Variants in SBF1 observed in about 807,000 individuals in gnomAD.
SBF1 encodes the protein myotubularin-related protein 5.
SBF1 carries 65 observed loss-of-function variants against 215.8 expected under a neutral mutation model. The observed-to-expected ratio is 0.30, with a 90% confidence interval of 0.25 to 0.37. SBF1 has a LOEUF of 0.37. Ranked by LOEUF, SBF1 falls within the 10% of genes least tolerant of loss-of-function variation. The pLI, the probability that SBF1 is intolerant of heterozygous loss-of-function variation, is 1.00. For missense variants in SBF1, 2,634 were observed against 2,667.8 expected, an observed-to-expected ratio of 0.99 and a Z score of 0.28; for synonymous variants, 1,410 against 1,122.8, an observed-to-expected ratio of 1.26 and a Z score of -5.11.
Position 50,446,929 on chromosome 22 carries a change from A to G in SBF1, c.*213T>C. 1 of 712,442 alleles carries G rather than the reference A, an allele frequency of 1.4e-6. No homozygotes were observed. The allele number at this position is 712,442 out of a possible 1,614,324, so 44.1% of individuals were successfully genotyped here. A position where few individuals can be genotyped will look rare whatever the true frequency, so the allele number is the denominator to read the frequency against. On this transcript the variant is annotated 3_prime_UTR_variant, in exon 41 of 41. Transcript: ENST00000380817. Reference sequence around the variant, plus strand: ...GCCCATTGCGGGCTGTACCTTGGCCACCTCCCGGCACGGTGCTCAGCTGTG... The same window carrying G: ...GCCCATTGCGGGCTGTACCTTGGCCGCCTCCCGGCACGGTGCTCAGCTGTG...
At position 50,456,187 on chromosome 22, in the gene SBF1, C is replaced by T. The variant is rs751226997; in HGVS notation, c.4266+29G>A. On this transcript the variant is annotated intron_variant, in intron 31 of 40. Transcript: ENST00000380817. ...CCAAGGGGAGGGCCCAGCACCAAGG[C>T]GGGCAGAGGGACGGGGCAGTGCAGA... The T allele has an allele frequency of 2.1e-5, 34 of 1,604,626 alleles. No homozygotes were observed. The Middle Eastern group carries it at 8.9e-4, about 42-fold the overall frequency.
Position 50,455,206 on chromosome 22 carries a change from A to T in SBF1, c.4554+18T>A. Reference sequence around the variant, plus strand: ...CAGGGTGCACAGTCCCGGCCCACCCACACAGCGGCCTGCCCACCTGGTGTA... The same window carrying T: ...CAGGGTGCACAGTCCCGGCCCACCCTCACAGCGGCCTGCCCACCTGGTGTA... On this transcript the variant is annotated intron_variant, in intron 33 of 40. Coordinates refer to ENST00000380817, the MANE Select transcript of SBF1 (RefSeq NM_002972.4). 1 of 1,612,258 alleles carries T rather than the reference A, an allele frequency of 6.2e-7. No homozygotes were observed. Among genetic ancestry groups the T allele is most frequent in the Non-Finnish European group, 8.5e-7 (1 of 1,178,838 alleles).
intron 28 of SBF1, among the ~76,000 whole-genome samples, chr22:50,457,687 G>A (rs1465304455): frequency 1.3e-5 from 2 of 152,238 alleles, no homozygotes; most frequent in African/African-American, 4.8e-5. Context: ...CCAGGCTGAG[G>A]TTTACGGTCC....
chr22:50,458,304 CAAA>C (rs35742256), intron 28 of SBF1, among the ~76,000 whole-genome samples: 14 of 82,642 alleles, frequency 1.7e-4, no homozygotes, highest in African/African-American at 6.9e-4. Flanking sequence ...GACTCCGACT[CAAA>C]AAAAAAAAAA....
chr22:50,471,944 G>A (rs1191798650), intron 1 of SBF1, among the ~76,000 whole-genome samples: 1 of 152,248 alleles, frequency 6.6e-6, no homozygotes, highest in Non-Finnish European at 1.5e-5. Flanking sequence ...CCTCCTCCCA[G>A]GCAGATGCAC....
At chr22:50,471,160 T>C (rs1218765048) in intron 1 of SBF1, among the ~76,000 whole-genome samples, 1 of 152,206 alleles carries the variant, frequency 6.6e-6, no homozygotes, top group East Asian at 1.9e-4. Flanking sequence ...AACGGTGTGC[T>C]GGGTGGCACT....
intron 31 of SBF1, 103 bp downstream of exon 31, chr22:50,456,113 G>C (rs183064538): frequency 8.0e-7 from 1 of 1,249,598 alleles, no homozygotes; most frequent in East Asian, 2.5e-5. Flanking sequence ...TCCTTCCAGC[G>C]CTCCACACTG....
chr22:50,468,128 G>A (rs779771000), intron 2 of SBF1, among the ~76,000 whole-genome samples: 69 of 152,270 alleles, frequency 4.5e-4, no homozygotes, highest in South Asian at 6.2e-4. Context: ...CCCACCTGGG[G>A]CAAGGACCAG....
At chr22:50,467,290 G>A (rs1375584811) in intron 5 of SBF1, 48 bp downstream of exon 5, 6 of 1,505,848 alleles carry the variant, frequency 4.0e-6, no homozygotes, top group East Asian at 4.5e-5. Flanking sequence ...CAGGGCCCCA[G>A]CAGGAGGGCC....
At chr22:50,450,216 G>C (rs943179426) in intron 36 of SBF1, among the ~76,000 whole-genome samples, 3 of 152,208 alleles carry the variant, frequency 2.0e-5, no homozygotes, top group African/African-American at 7.2e-5. Flanking sequence ...GCAGAGAACA[G>C]CTACTAAGAA....
intron 36 of SBF1, among the ~76,000 whole-genome samples, chr22:50,449,104 G>A (rs903202075): frequency 2.6e-5 from 4 of 152,012 alleles, no homozygotes; most frequent in African/African-American, 4.8e-5. Flanking sequence ...CCTGGGAGGC[G>A]GAGGTTGCGG....
rs1569511741 is a variant in SBF1, at chr22:50,460,338, ACTT to A, written c.3214_3216del (p.Lys1072del). On this transcript the variant is annotated inframe_deletion, in exon 25 of 41. Coordinates refer to ENST00000380817, the MANE Select transcript of SBF1 (RefSeq NM_002972.4). Reference sequence around the variant, plus strand: ...CGGTGCTCCCAGCTGGGGGGGTTGTACTTCTTGCGAGTGACATGCTGCCGCCCG... The same window carrying A: ...CGGTGCTCCCAGCTGGGGGGGTTGTACTTGCGAGTGACATGCTGCCGCCCG... 6.2e-7 allele frequency: 1 copy of A among 1,613,154 alleles called. No homozygotes were observed. Among genetic ancestry groups the A allele is most frequent in the Non-Finnish European group, 8.5e-7 (1 of 1,179,586 alleles).
In SBF1 at chr22:50,475,000, T is replaced by G. The variant is rs4824154; in HGVS notation, c.-160A>C. 2.4e-5 allele frequency: 6 copies of G among 251,334 alleles called. No homozygotes were observed. The highest frequency in any genetic ancestry group is 4.6e-5 in the African/African-American group (2 of 43,124). The allele number at this position is 251,334 out of a possible 1,614,324, so 15.6% of individuals were successfully genotyped here. ...GCGGCGGCGGCGGCGGCGGCCCAGG[T>G]TCCCGCCGCCATCTTCCCAGCCAGC... On this transcript the variant is annotated 5_prime_UTR_variant, in exon 1 of 41. Transcript: ENST00000380817.
chr22:50,458,724 G>A (rs977718184), intron 28 of SBF1, among the ~76,000 whole-genome samples: 2 of 152,228 alleles, frequency 1.3e-5, no homozygotes, highest in African/African-American at 4.8e-5. Flanking sequence ...CGTGGCGGTG[G>A]GGACAGAGAC....
At chr22:50,458,951 G>C (rs1192340936) in intron 28 of SBF1, among the ~76,000 whole-genome samples, 1 of 152,222 alleles carries the variant, frequency 6.6e-6, no homozygotes, top group African/African-American at 2.4e-5. Flanking sequence ...GTAAGACAGA[G>C]CCGCGTAGAG....
rs775997323 is a variant in SBF1, at chr22:50,467,678, C to G, written c.292G>C (p.Val98Leu). 6.3e-7 allele frequency: 1 copy of G among 1,592,868 alleles called. No homozygotes were observed. The highest frequency in any genetic ancestry group is 8.6e-7 in the Non-Finnish European group (1 of 1,167,596). Residue 98 changes from valine to leucine, a missense_variant, in exon 4 of 41, where the codon GTG (valine) becomes CTG (leucine). Physicochemically the swap from Val to Leu is conservative, Grantham distance 32 (BLOSUM62 1). Transcript: ENST00000380817. ...TCCTCCCTCTCTGTGGCATCCTCCA[C>G]GCGCGTCGTTTCCTGCTGGGGGTCA... The part of the protein sequence containing the change: ...PAEPSQETTR[V>L]EDATEREEEG...
rs7290433 is a variant in SBF1 at position 50,466,818 on chromosome 22, G to A, written c.550-108C>T. ...ACCCTGGTGTACTGACAGACCCGAGGTGGGACTGGCTGGGATGGGCAACAT... is the reference window on the plus strand; with the variant it reads ...ACCCTGGTGTACTGACAGACCCGAGATGGGACTGGCTGGGATGGGCAACAT... On this transcript the variant is annotated intron_variant, in intron 5 of 40. Transcript: ENST00000380817. The A allele has an allele frequency of 1.9e-3, 1,426 of 757,398 alleles. 11 individuals carry two copies. Among genetic ancestry groups the A allele is most frequent in the African/African-American group, 0.012 (680 of 56,424 alleles). The allele number at this position is 757,398 out of a possible 1,614,324, so 46.9% of individuals were successfully genotyped here.
At chr22:50,470,515 C>G (rs777558418) in intron 1 of SBF1, among the ~76,000 whole-genome samples, 1 of 152,160 alleles carries the variant, frequency 6.6e-6, no homozygotes. Flanking sequence ...GCCAAGCAGG[C>G]ACCTCTCCCT....
At position 50,456,472 on chromosome 22, in the gene SBF1, A is replaced by AC; in HGVS notation, c.4086+19dup. ...TGCCGAGCCCCCACCCTCACCCCCCACCCCCCGCACCCCAGTCACCTTGAG... is the reference window on the plus strand; with the variant it reads ...TGCCGAGCCCCCACCCTCACCCCCCACCCCCCCGCACCCCAGTCACCTTGAG... On this transcript the variant is annotated intron_variant, in intron 30 of 40. Transcript: ENST00000380817. The AC allele has an allele frequency of 2.3e-6, 1 of 428,428 alleles. No homozygotes were observed. The highest frequency in any genetic ancestry group is 5.7e-5 in the East Asian group (1 of 17,434). The allele number at this position is 428,428 out of a possible 1,614,324, so 26.5% of individuals were successfully genotyped here.
Sources: allele counts gnomAD v4.1 joint callset (sites outside exome capture counted in the v4.1 genomes callset), GRCh38; gene constraint gnomAD v4.1.1; transcripts MANE v1.5; gene names NCBI Gene and HGNC (gene_info 2026-07-23, HGNC 2026-07-21).